The following SHISA9 variants were observed in gnomAD, a reference collection of about 807,000 sequenced individuals.
SHISA9 encodes protein shisa-9.
SHISA9 carries 13 observed loss-of-function variants against 38.0 expected under a neutral mutation model. The observed-to-expected ratio is 0.34, with a 90% CI of 0.22 to 0.54. The LOEUF is 0.54. SHISA9 is among the 20% of genes least tolerant of loss of function. The pLI is 0.91. For synonymous variants in SHISA9, 275 were observed against 242.0 expected (o/e 1.14, Z -1.27); for missense variants, 538 against 575.8 (o/e 0.93, Z 0.67).
At chr16:13,337,504 T>C in the SHISA9 span, among the ~76,000 whole-genome samples, 4 of 152,268 alleles carry the variant, frequency 2.6e-5, no homozygotes, top group South Asian at 2.1e-4. Context: ...TTATCAGCAG[T>C]GTGAAAACAG....
At chr16:13,293,224 G>C in the SHISA9 span, among the ~76,000 whole-genome samples, 20 of 152,148 alleles carry the variant, frequency 1.3e-4, no homozygotes, top group Non-Finnish European at 1.9e-4. Flanking sequence ...TTGTTTATCT[G>C]ACCCACAACA....
rs373520351 is a variant in SHISA9 at position 13,014,592 on chromosome 16, C to T, written c.691+97777C>T. Among the ~76,000 whole-genome samples, 10 of 152,284 alleles carry T rather than the reference C, an allele frequency of 6.6e-5. No individual in the cohort carries two copies. The East Asian group carries it at 1.5e-3, about 24-fold the overall frequency. ...CTTCTGACTCCAGAATGAGCATGAA[C>T]ACCCAAAGCAGCTATTTCAAAGAGC... On this transcript the variant is annotated intron_variant, in intron 2 of 4. Transcript: ENST00000558583.
chr16:13,468,905 C>A, the SHISA9 span, among the ~76,000 whole-genome samples: 2 of 150,916 alleles, frequency 1.3e-5, no homozygotes, highest in South Asian at 4.2e-4. Context: ...GTATATAAAA[C>A]ACATATATAA....
intron 4 of SHISA9, among the ~76,000 whole-genome samples, chr16:13,224,733 G>C (rs1234768075): frequency 6.6e-6 from 1 of 152,144 alleles, no homozygotes; most frequent in African/African-American, 2.4e-5. Flanking sequence ...TATTAAAATA[G>C]GGATAGGTCA....
chr16:13,208,524 C>T lies in SHISA9; in HGVS notation c.848-4729C>T, dbSNP rs77194245. ...TGGCGCAATCTCGGCTCACCACAAC[C>T]GCCGCCTCCTGGGTTCAAGCGATTC... On this transcript the variant is annotated intron_variant, in intron 3 of 4. Coordinates refer to ENST00000558583, the MANE Select transcript of SHISA9 (RefSeq NM_001145204.3). Among the ~76,000 whole-genome samples the T allele has an allele frequency of 6.7e-3, 1,006 of 150,864 alleles. 7 individuals carry two copies. Among genetic ancestry groups the T allele is most frequent in the Middle Eastern group, 0.058 (17 of 292 alleles).
At chr16:13,195,986 G>C (rs2050934634) in intron 2 of SHISA9, among the ~76,000 whole-genome samples, 1 of 150,814 alleles carries the variant, frequency 6.6e-6, no homozygotes, top group African/African-American at 2.4e-5. Context: ...TACTCGGGAG[G>C]CTGAGGCAGG....
the SHISA9 span, among the ~76,000 whole-genome samples, chr16:13,496,864 A>C: frequency 1.3e-5 from 2 of 152,194 alleles, no homozygotes; most frequent in African/African-American, 4.8e-5. Context: ...GTGTCTATCT[A>C]TATATAAAGA....
At chr16:13,368,497 C>T in the SHISA9 span, among the ~76,000 whole-genome samples, 31 of 152,006 alleles carry the variant, frequency 2.0e-4, no homozygotes, top group African/African-American at 7.0e-4. Context: ...TTAGAGGCTT[C>T]GTTGCGTTAG....
the SHISA9 span, among the ~76,000 whole-genome samples, chr16:13,313,862 T>C: frequency 6.6e-6 from 1 of 152,220 alleles, no homozygotes; most frequent in African/African-American, 2.4e-5. Flanking sequence ...TTTCCCCAAT[T>C]TTCTATAGCA....
the SHISA9 span, among the ~76,000 whole-genome samples, chr16:13,442,962 G>T: frequency 6.6e-6 from 1 of 152,136 alleles, no homozygotes; most frequent in Non-Finnish European, 1.5e-5. Flanking sequence ...AATAAAAATA[G>T]GTTGGCAGCT....
the SHISA9 span, among the ~76,000 whole-genome samples, chr16:13,417,805 T>C: frequency 6.6e-6 from 1 of 152,192 alleles, no homozygotes; most frequent in South Asian, 2.1e-4. Context: ...GGCAGGTTAA[T>C]GCCAACGGGC....
chr16:13,233,374 T>C (rs2051350858), intron 4 of SHISA9, among the ~76,000 whole-genome samples: 1 of 152,146 alleles, frequency 6.6e-6, no homozygotes, highest in African/African-American at 2.4e-5. Flanking sequence ...TGAGTGGAAA[T>C]TGGTAAAACT....
the SHISA9 span, among the ~76,000 whole-genome samples, chr16:13,273,813 A>G: frequency 1.3e-5 from 2 of 152,094 alleles, no homozygotes; most frequent in Non-Finnish European, 2.9e-5. Context: ...TCTCTCCTAA[A>G]CCTCAGAAAC....
intron 2 of SHISA9, among the ~76,000 whole-genome samples, chr16:13,170,254 A>C (rs561295976): frequency 1.6e-4 from 24 of 151,934 alleles, no homozygotes; most frequent in African/African-American, 4.1e-4. Context: ...TCATTTGTTC[A>C]TTTATTTGTC....
the SHISA9 span, among the ~76,000 whole-genome samples, chr16:13,461,258 C>T: frequency 2.0e-5 from 3 of 152,102 alleles, no homozygotes; most frequent in South Asian, 2.1e-4. Context: ...GACACCTAGC[C>T]CTTCAGGTTT....
At chr16:13,266,967 G>A in the SHISA9 span, among the ~76,000 whole-genome samples, 55 of 152,058 alleles carry the variant, frequency 3.6e-4, no homozygotes, top group African/African-American at 1.3e-3. Context: ...AAAGCCAACG[G>A]CTTAAAATTG....
At chr16:13,561,863 G>C in the SHISA9 span, among the ~76,000 whole-genome samples, 1 of 151,854 alleles carries the variant, frequency 6.6e-6, no homozygotes, top group Admixed American at 6.6e-5. Context: ...ATTCAAATTA[G>C]CTTAAGAAAA....
At chr16:12,914,950 A>G (rs12935261) in intron 1 of SHISA9, among the ~76,000 whole-genome samples, 36,047 of 151,978 alleles carry the variant, frequency 0.24, 4,921 homozygotes, top group Non-Finnish European at 0.31. Context: ...CTGCTGTAGT[A>G]CGGTAAGTTC....
chr16:13,429,539 C>T, the SHISA9 span, among the ~76,000 whole-genome samples: 1 of 152,078 alleles, frequency 6.6e-6, no homozygotes, highest in Non-Finnish European at 1.5e-5. Context: ...ATAAGGACAC[C>T]AGTCATATTG....
Sources: allele counts gnomAD v4.1 joint callset (sites outside exome capture counted in the v4.1 genomes callset), GRCh38; gene constraint gnomAD v4.1.1; transcripts MANE v1.5; gene names NCBI Gene and HGNC (gene_info 2026-07-23, HGNC 2026-07-21).